The following UNC13C variants were observed in gnomAD, a reference collection of about 807,000 sequenced individuals.
UNC13C encodes unc-13 homolog C, also known as protein unc-13 homolog C.
Under a neutral mutation model 245.4 loss-of-function variants are expected in UNC13C, and 174 were observed. That is an observed-to-expected ratio of 0.71 (90% CI 0.63 to 0.80). The LOEUF is 0.80. Among genes scored for constraint, UNC13C ranks in the 30% least tolerant of loss-of-function variants. The pLI, the probability that UNC13C is intolerant of heterozygous loss-of-function variation, is 0.00. For missense variants in UNC13C, 2,829 were observed against 2,602.9 expected, an observed-to-expected ratio of 1.09 and a Z score of -1.89; for synonymous variants, 992 against 895.1, an observed-to-expected ratio of 1.11 and a Z score of -1.93.
At chr15:54,070,002 A>G (rs1394904470) in intron 2 of UNC13C, among the ~76,000 whole-genome samples, 1 of 152,244 alleles carries the variant, frequency 6.6e-6, no homozygotes, top group Non-Finnish European at 1.5e-5. Context: ...CCGTTTTATA[A>G]TGATCCTTAG....
At chr15:54,249,322 A>G (rs2033406150) in intron 7 of UNC13C, among the ~76,000 whole-genome samples, 2 of 152,126 alleles carry the variant, frequency 1.3e-5, no homozygotes, top group Non-Finnish European at 2.9e-5. Context: ...TTATCATTAT[A>G]TAATTTGATC....
At chr15:54,164,665 A>C (rs1387650782) in intron 4 of UNC13C, among the ~76,000 whole-genome samples, 1 of 152,172 alleles carries the variant, frequency 6.6e-6, no homozygotes, top group African/African-American at 2.4e-5. Context: ...TGCTTTCACT[A>C]AACAATTATG....
intron 1 of UNC13C, among the ~76,000 whole-genome samples, chr15:53,993,364 A>AGAAT (rs1460279026): frequency 6.6e-6 from 1 of 152,128 alleles, no homozygotes; most frequent in African/African-American, 2.4e-5. Context: ...AGCAGAAGAG[A>AGAAT]GAGAATGAGC....
intron 4 of UNC13C, among the ~76,000 whole-genome samples, chr15:54,174,993 CAT>C (rs1024067750): frequency 4.6e-5 from 7 of 152,282 alleles, no homozygotes; most frequent in African/African-American, 1.4e-4. Flanking sequence ...ATTGACCCCA[CAT>C]GTTTCTCCTT....
At chr15:53,952,404 C>T in the UNC13C span, among the ~76,000 whole-genome samples, 1 of 152,184 alleles carries the variant, frequency 6.6e-6, no homozygotes, top group East Asian at 1.9e-4. Flanking sequence ...TTCAGGGTTT[C>T]TAACTAAATA....
At chr15:53,865,894 A>T in the UNC13C span, among the ~76,000 whole-genome samples, 10 of 152,300 alleles carry the variant, frequency 6.6e-5, no homozygotes, top group East Asian at 1.9e-3. Flanking sequence ...AATTGATTAC[A>T]TATCAAGCCA....
intron 30 of UNC13C, among the ~76,000 whole-genome samples, chr15:54,602,219 G>A (rs1319911949): frequency 1.3e-5 from 2 of 152,198 alleles, no homozygotes. Flanking sequence ...GGTAGAAGGG[G>A]ATAACTTTAT....
At chr15:53,976,742 T>A (rs558989907), upstream of UNC13C, 17 of 152,288 alleles carry the variant, frequency 1.1e-4, no homozygotes, top group African/African-American at 3.9e-4. Context: ...TAAATCCAAA[T>A]TTACTGAAGA....
chr15:54,477,036 T>G (rs1404135753), intron 19 of UNC13C, among the ~76,000 whole-genome samples: 1 of 98,174 alleles, frequency 1.0e-5, no homozygotes, highest in Non-Finnish European at 2.1e-5. Flanking sequence ...CCCTTGTAAG[T>G]TGGATTCCTA....
chr15:54,445,084 C>T (rs1159863441), intron 19 of UNC13C, among the ~76,000 whole-genome samples: 7 of 150,356 alleles, frequency 4.7e-5, no homozygotes, highest in Admixed American at 2.0e-4. Context: ...TTTGTCCTTG[C>T]GATAGTTTGC....
intron 19 of UNC13C, among the ~76,000 whole-genome samples, chr15:54,424,999 G>C (rs958965785): frequency 2.0e-4 from 31 of 151,762 alleles, no homozygotes; most frequent in African/African-American, 6.5e-4. Context: ...TTCAAAATGT[G>C]TCCTGATAAG....
At chr15:54,512,689 T>C (rs1894805224) in intron 24 of UNC13C, among the ~76,000 whole-genome samples, 1 of 152,222 alleles carries the variant, frequency 6.6e-6, no homozygotes, top group Non-Finnish European at 1.5e-5. Flanking sequence ...TGTAGATATA[T>C]ACTTCTGTTT....
At chr15:54,450,522 G>C (rs1229944798) in intron 19 of UNC13C, among the ~76,000 whole-genome samples, 1 of 152,228 alleles carries the variant, frequency 6.6e-6, no homozygotes, top group Non-Finnish European at 1.5e-5. Context: ...ATCTCAGACT[G>C]CTGTGCTAGC....
chr15:54,086,771 A>C (rs1811581567), intron 2 of UNC13C, among the ~76,000 whole-genome samples: 4 of 91,230 alleles, frequency 4.4e-5, no homozygotes, highest in Middle Eastern at 0.02. Context: ...GGACTCTCAC[A>C]GTCGCCCAGG....
intron 28 of UNC13C, among the ~76,000 whole-genome samples, chr15:54,554,605 A>G (rs1312978384): frequency 6.6e-6 from 1 of 152,086 alleles, no homozygotes; most frequent in Non-Finnish European, 1.5e-5. Flanking sequence ...TGTATTAAAC[A>G]ATATATCTCA....
At position 54,012,861 on chromosome 15, in the gene UNC13C, G is replaced by A. The variant is rs750474260; in HGVS notation, c.-43G>A. ...TTTTCAGGTTTTCATCCTGATACTT[G>A]TTTACTTTTCTGGGGCAGAAAAGCT... On this transcript the variant is annotated 5_prime_UTR_variant, in exon 2 of 33. Coordinates refer to ENST00000260323, the MANE Select transcript of UNC13C (RefSeq NM_001080534.3). 6.9e-7 allele frequency: 1 copy of A among 1,459,636 alleles called. No individual in the cohort carries two copies. The highest frequency in any genetic ancestry group is 9.3e-7 in the Non-Finnish European group (1 of 1,077,034). 90.4% of individuals were successfully genotyped at this position (1,459,636 alleles called of 1,614,324 possible).
the UNC13C span, among the ~76,000 whole-genome samples, chr15:53,868,013 T>A: frequency 6.6e-6 from 1 of 152,068 alleles, no homozygotes; most frequent in Non-Finnish European, 1.5e-5. Context: ...AAAATATATA[T>A]TTGTAGAGGA....
At chr15:54,309,965 C>G (rs912998985) in intron 13 of UNC13C, among the ~76,000 whole-genome samples, 13 of 151,736 alleles carry the variant, frequency 8.6e-5, no homozygotes, top group African/African-American at 3.1e-4. Context: ...TTGTTGAATT[C>G]TTCTGACACT....
At chr15:53,918,219 C>T in the UNC13C span, among the ~76,000 whole-genome samples, 9 of 152,326 alleles carry the variant, frequency 5.9e-5, no homozygotes, top group East Asian at 1.9e-4. Context: ...GCAACAGGGA[C>T]GCAAATCCGT....
Sources: allele counts gnomAD v4.1 joint callset (sites outside exome capture counted in the v4.1 genomes callset), GRCh38; gene constraint gnomAD v4.1.1; transcripts MANE v1.5; gene names NCBI Gene and HGNC (gene_info 2026-07-23, HGNC 2026-07-21).